Variants in ACOT11 observed in about 807,000 individuals in gnomAD.
ACOT11 encodes the protein acyl-CoA thioesterase 11.
A neutral mutation model predicts 77.5 loss-of-function variants in ACOT11; 69 were observed. That is an observed-to-expected ratio of 0.89 (90% CI 0.73 to 1.09). ACOT11 has a LOEUF of 1.09. Ranked by LOEUF, ACOT11 falls within the 50% of genes least tolerant of loss-of-function variation. ACOT11 has a pLI of 0.00. For synonymous variants in ACOT11, 279 were observed against 313.0 expected (o/e 0.89, Z 1.15); for missense variants, 766 against 813.7 (o/e 0.94, Z 0.71).
At chr1:54,587,793 C>T (rs1329006370) in intron 3 of ACOT11, among the ~76,000 whole-genome samples, 2 of 151,776 alleles carry the variant, frequency 1.3e-5, no homozygotes, top group Non-Finnish European at 2.9e-5. Context: ...AACTCCTGGC[C>T]TCAAGTGATC....
chr1:54,607,663 G>A lies in ACOT11; in HGVS notation c.1503-279G>A, dbSNP rs1644044967. Among the ~76,000 whole-genome samples, 1 of 152,122 alleles carries A rather than the reference G, an allele frequency of 6.6e-6. No individual in the cohort carries two copies. Among genetic ancestry groups the A allele is most frequent in the African/African-American group, 2.4e-5 (1 of 41,414 alleles). On this transcript the variant is annotated intron_variant, in intron 14 of 15. Transcript: ENST00000343744. This position sits in a 1 kb window ranked among gnomAD's most constrained non-coding sequence, Gnocchi z 4.5. ...ACAGAAAAAAAATCCCAAAGCCCAC[G>A]AGTCTTCCCCTGAGCGTTGAAGTGG...
At chr1:54,631,923 T>C (rs1162295632) in intron 16 of ACOT11, among the ~76,000 whole-genome samples, 1 of 152,230 alleles carries the variant, frequency 6.6e-6, no homozygotes, top group African/African-American at 2.4e-5. Flanking sequence ...TCAAAGCCTA[T>C]GATGGTATCG....
At chr1:54,585,690 T>G in intron 2 of ACOT11, 145 bp from the exon 3 acceptor site, 4 of 683,276 alleles carry the variant, frequency 5.9e-6, no homozygotes, top group Middle Eastern at 3.3e-4. Context: ...CGGTGAGGGG[T>G]GTAAGGAATG....
chr1:54,622,895 C>T (rs1644244061), intron 15 of ACOT11, among the ~76,000 whole-genome samples: 1 of 151,980 alleles, frequency 6.6e-6, no homozygotes, highest in South Asian at 2.1e-4. Context: ...AGCTGGTTGG[C>T]CAGGCATGAT....
intron 1 of ACOT11, among the ~76,000 whole-genome samples, chr1:54,557,189 C>T (rs564797034): frequency 5.2e-4 from 79 of 151,982 alleles, no homozygotes; most frequent in African/African-American, 1.7e-3. Context: ...GTCAGGAGTT[C>T]GAGACCAGCC....
intron 1 of ACOT11, chr1:54,573,371 A>AC: frequency 1.8e-5 from 6 of 331,346 alleles, no homozygotes; most frequent in Non-Finnish European, 2.6e-5. Flanking sequence ...CCCCATCTGT[A>AC]AAATGGGAAT....
chr1:54,629,246 G>A (rs1644287583), intron 15 of ACOT11, among the ~76,000 whole-genome samples: 1 of 133,220 alleles, frequency 7.5e-6, no homozygotes, highest in African/African-American at 2.5e-5. Context: ...AAAGTATTCA[G>A]AATACAAACT....
chr1:54,583,646 G>A (rs1167817552), intron 1 of ACOT11, among the ~76,000 whole-genome samples: 1 of 152,176 alleles, frequency 6.6e-6, no homozygotes, highest in African/African-American at 2.4e-5. Flanking sequence ...TCATCTGTAG[G>A]ATAAGGATAA....
Position 54,602,660 on chromosome 1 carries a change from C to T in ACOT11, c.1030-9C>T. The T allele has an allele frequency of 1.3e-6, 2 of 1,529,682 alleles. No individual in the cohort carries two copies. The highest frequency in any genetic ancestry group is 1.8e-6 in the Non-Finnish European group (2 of 1,139,726). The allele number at this position is 1,529,682 out of a possible 1,614,324, so 94.8% of individuals were successfully genotyped here. A position where few individuals can be genotyped will look rare whatever the true frequency, so the allele number is the denominator to read the frequency against. ...GGTAGCTGGTTGCCTATCCCGACTT[C>T]CTCCCCAGGATGGTGAGCGGCGGTA... On this transcript the variant is annotated splice_polypyrimidine_tract_variant and intron_variant, in intron 9 of 15. Transcript: ENST00000343744.
At chr1:54,594,496 C>T (rs1160840448) in intron 5 of ACOT11, 60 bp from the exon 6 acceptor site, 20 of 1,565,166 alleles carry the variant, frequency 1.3e-5, no homozygotes, top group Non-Finnish European at 1.6e-5. Context: ...GGGGACAGGC[C>T]CTTGTGCTAT....
chr1:54,592,660 C>T (rs1046781122), intron 4 of ACOT11, 54 bp downstream of exon 4: 2 of 1,573,682 alleles, frequency 1.3e-6, no homozygotes, highest in Non-Finnish European at 1.7e-6. Context: ...TCCTCTACCT[C>T]CTCTCTCCAT....
intron 15 of ACOT11, chr1:54,623,188 AG>A (rs71581822): frequency 5.0e-6 from 4 of 796,388 alleles, no homozygotes; most frequent in South Asian, 1.7e-5. Flanking sequence ...AAAAAAAAAA[AG>A]GGACTGGTCA....
intron 15 of ACOT11, among the ~76,000 whole-genome samples, chr1:54,622,928 A>T (rs894227775): frequency 6.6e-6 from 1 of 151,970 alleles, no homozygotes; most frequent in Non-Finnish European, 1.5e-5. Context: ...TAATCCCAGC[A>T]CTTTGAGAGG....
At chr1:54,563,567 G>T (rs532550818) in intron 1 of ACOT11, among the ~76,000 whole-genome samples, 14 of 152,340 alleles carry the variant, frequency 9.2e-5, no homozygotes, top group Non-Finnish European at 1.8e-4. Context: ...AGACACATGA[G>T]ATGTGGCCCC....
At chr1:54,637,848 A>G (rs1470597307) in exon 17 of ACOT11, 1 of 152,178 alleles carries the variant, frequency 6.6e-6, no homozygotes, top group Non-Finnish European at 1.5e-5. Flanking sequence ...AGAATGGGAA[A>G]AAAACAATTT....
chr1:54,605,355 G>T, intron 13 of ACOT11, 146 bp downstream of exon 13: 2 of 1,321,042 alleles, frequency 1.5e-6, no homozygotes, highest in South Asian at 3.1e-5. Flanking sequence ...TGGGGGTTCA[G>T]GGTCATGGGT....
chr1:54,611,846 G>T, downstream of ACOT11: 1 of 1,427,462 alleles, frequency 7.0e-7, no homozygotes, highest in Non-Finnish European at 9.6e-7. Context: ...GCAGGGTAGA[G>T]CATCTGTCCT....
At chr1:54,604,047 A>G in intron 11 of ACOT11, 110 bp downstream of exon 11, 6 of 1,009,974 alleles carry the variant, frequency 5.9e-6, no homozygotes, top group Non-Finnish European at 9.2e-6. Context: ...GATATGAATG[A>G]CACGCCTCAT....
intron 4 of ACOT11, among the ~76,000 whole-genome samples, chr1:54,593,259 G>C (rs564366891): frequency 1.2e-4 from 19 of 152,178 alleles, no homozygotes; most frequent in Admixed American, 7.2e-4. Flanking sequence ...CCAGGTGCCT[G>C]TTCTTGATTT....
Sources: gnomAD v4.1 joint callset for allele counts (sites outside exome capture counted in the v4.1 genomes callset) on GRCh38, gnomAD v4.1.1 for gene constraint, Gnocchi (gnomAD v3.1) non-coding constraint, MANE v1.5 for transcripts, NCBI Gene and HGNC (gene_info 2026-07-23, HGNC 2026-07-21) for gene names.